MARCHF2: variants seen among roughly 807,000 people sequenced by gnomAD.
The protein encoded by MARCHF2 is E3 ubiquitin-protein ligase MARCHF2.
MARCHF2 carries 22 observed loss-of-function variants against 24.0 expected under a neutral mutation model. The ratio of observed to expected loss-of-function variants is 0.92; its 90% confidence interval spans 0.66 to 1.31. The LOEUF (loss-of-function observed/expected upper bound fraction) is 1.31, where lower values mean the gene tolerates loss of function less well. Among genes scored for constraint, MARCHF2 ranks in the 50% most tolerant of loss-of-function variants. The pLI is 0.00. For synonymous variants in MARCHF2, 154 were observed against 153.0 expected (o/e 1.01, Z -0.05); for missense variants, 301 against 335.3 (o/e 0.90, Z 0.80).
chr19:8,438,035 GGATTACAGGTGT>G, intron 4 of MARCHF2, among the ~76,000 whole-genome samples: 1 of 152,076 alleles, frequency 6.6e-6, no homozygotes. Flanking sequence ...CAAACTACTG[GGATTACAGGTGT>G]GAGCCACCTC....
chr19:8,429,726 C>T (rs148238005), intron 3 of MARCHF2, among the ~76,000 whole-genome samples: 2,129 of 149,796 alleles, frequency 0.014, 28 homozygotes, highest in South Asian at 0.053. Flanking sequence ...CTGGTCTTGA[C>T]CTCCTGGCCT....
At chr19:8,426,526 G>T in intron 2 of MARCHF2, 83 bp from the exon 3 acceptor site, 1 of 1,144,894 alleles carries the variant, frequency 8.7e-7, no homozygotes, top group Non-Finnish European at 1.3e-6. Flanking sequence ...TGGGGTAAGG[G>T]TGAGCTTGTG....
chr19:8,415,447 G>A (rs1355381280), intron 1 of MARCHF2, among the ~76,000 whole-genome samples: 4 of 150,166 alleles, frequency 2.7e-5, no homozygotes, highest in Non-Finnish European at 5.9e-5. Context: ...GGCCAGGCGC[G>A]GTGACTCATG....
At position 8,438,675 on chromosome 19, in the gene MARCHF2, C is replaced by A; in HGVS notation, c.*129C>A. 2.2e-6 allele frequency: 2 copies of A among 895,098 alleles called. No individual in the cohort carries two copies. The highest frequency in any genetic ancestry group is 3.3e-6 in the Non-Finnish European group (2 of 601,216). 55.4% of individuals were successfully genotyped at this position (895,098 alleles called of 1,614,324 possible). ...CGCACGGCCTGAACGCTTCTTAGGC[C>A]AAGAGACACCATGCAGAGCCTAGTC... On this transcript the variant is annotated 3_prime_UTR_variant, in exon 5 of 5. Transcript: ENST00000215555.
At chr19:8,417,010 T>A (rs1295214013) in intron 1 of MARCHF2, among the ~76,000 whole-genome samples, 2 of 152,086 alleles carry the variant, frequency 1.3e-5, no homozygotes, top group Non-Finnish European at 2.9e-5. Context: ...TAGAAGCTGC[T>A]AGTATAATTT....
intron 1 of MARCHF2, among the ~76,000 whole-genome samples, chr19:8,417,468 CT>C (rs1233124060): frequency 6.6e-6 from 1 of 151,826 alleles, no homozygotes; most frequent in Non-Finnish European, 1.5e-5. Context: ...GGGATGAAGT[CT>C]TGCTGTCACC....
At chr19:8,436,183 G>A (rs1208541358) in intron 4 of MARCHF2, among the ~76,000 whole-genome samples, 1 of 151,682 alleles carries the variant, frequency 6.6e-6, no homozygotes. Context: ...GTGCCAGGCT[G>A]GAGTGCAGTG....
intron 4 of MARCHF2, among the ~76,000 whole-genome samples, chr19:8,434,492 C>T (rs1967663000): frequency 6.6e-6 from 1 of 151,530 alleles, no homozygotes; most frequent in Non-Finnish European, 1.5e-5. Context: ...AACCCACACA[C>T]ACAACGAGGC....
intron 2 of MARCHF2, among the ~76,000 whole-genome samples, chr19:8,425,102 G>A (rs138642646): frequency 0.04 from 6,086 of 152,046 alleles, 154 homozygotes; most frequent in Middle Eastern, 0.099. Context: ...GGGACCGGGC[G>A]TGGTGGCTCA....
chr19:8,431,083 A>C (rs910786291), intron 4 of MARCHF2, among the ~76,000 whole-genome samples: 1 of 152,160 alleles, frequency 6.6e-6, no homozygotes, highest in African/African-American at 2.4e-5. Context: ...CCAGGTGTGA[A>C]CCTTGACCTG....
intron 1 of MARCHF2, among the ~76,000 whole-genome samples, chr19:8,420,297 G>A (rs1387677756): frequency 3.3e-5 from 5 of 150,772 alleles, no homozygotes; most frequent in Non-Finnish European, 5.9e-5. Context: ...GCAGTGAGCC[G>A]AGATCATGCC....
intron 1 of MARCHF2, among the ~76,000 whole-genome samples, chr19:8,416,761 C>A (rs1415535979): frequency 6.6e-6 from 1 of 151,828 alleles, no homozygotes; most frequent in Admixed American, 6.6e-5. Flanking sequence ...GAGACGGGGT[C>A]TTGGTATGTT....
Position 8,421,996 on chromosome 19 carries a change from C to A in MARCHF2, c.156C>A (p.Ile52=). ...SRDGRLLSTV[I]RALDTPSDGP... is the part of the protein sequence containing the mutation. ...ATGGCCGGCTCCTCTCCACCGTCAT[C>A]CGTGCCTTGGACACACCGAGGTGAG... The change falls in exon 2 of 5, where the codon ATC becomes ATA. Residue 52 remains isoleucine, a synonymous_variant. Coordinates refer to ENST00000215555, the MANE Select transcript of MARCHF2 (RefSeq NM_001005415.2). 1.2e-6 allele frequency: 2 copies of A among 1,613,036 alleles called. No homozygotes were observed. The highest frequency in any genetic ancestry group is 1.7e-6 in the Non-Finnish European group (2 of 1,179,592).
intron 4 of MARCHF2, 65 bp from the exon 5 acceptor site, chr19:8,438,323 C>A: frequency 1.9e-6 from 3 of 1,566,786 alleles, no homozygotes; most frequent in Non-Finnish European, 2.6e-6. Flanking sequence ...GCAGGTGCCA[C>A]CACGGCGACT....
Position 8,438,536 on chromosome 19 carries a change from C to T in MARCHF2, c.731C>T (p.Thr244Ile), listed in dbSNP as rs768234509. The T allele has an allele frequency of 6.2e-7, 1 of 1,614,028 alleles. No homozygotes were observed. ...AGLLKKVAEE[T>I]PV ...CTCCTGAAGAAGGTGGCAGAGGAGA[C>T]ACCAGTATGAATGCTGGGCTCTCCG... The change falls in exon 5 of 5, where the codon ACA becomes ATA. Residue 244 changes from threonine (T) to isoleucine (I), a missense_variant. By Grantham distance (89) the Thr-to-Ile change is moderately conservative. Transcript: ENST00000215555.
chr19:8,414,594 G>A (rs1263245833), intron 1 of MARCHF2, among the ~76,000 whole-genome samples: 1 of 152,152 alleles, frequency 6.6e-6, no homozygotes, highest in African/African-American at 2.4e-5. Flanking sequence ...ACTCATTTTA[G>A]AGATGATAAT....
intron 1 of MARCHF2, among the ~76,000 whole-genome samples, chr19:8,417,335 T>C (rs1476250995): frequency 2.6e-5 from 4 of 152,148 alleles, no homozygotes; most frequent in Non-Finnish European, 5.9e-5. Flanking sequence ...TCCCAGCTAC[T>C]CGACAGGCTG....
chr19:8,422,402 T>C (rs552361593), intron 2 of MARCHF2, among the ~76,000 whole-genome samples: 1 of 150,904 alleles, frequency 6.6e-6, no homozygotes, highest in African/African-American at 2.4e-5. Flanking sequence ...GTATCTCTCT[T>C]TTTTTTTTGA....
At chr19:8,434,376 G>A (rs1442900157) in intron 4 of MARCHF2, among the ~76,000 whole-genome samples, 5 of 151,616 alleles carry the variant, frequency 3.3e-5, no homozygotes, top group Admixed American at 1.3e-4. Context: ...GAACCATCGC[G>A]CCCTGCCCCT....
Sources: gnomAD v4.1 joint callset for allele counts (sites outside exome capture counted in the v4.1 genomes callset) on GRCh38, gnomAD v4.1.1 for gene constraint, MANE v1.5 for transcripts, NCBI Gene and HGNC (gene_info 2026-07-23, HGNC 2026-07-21) for gene names.